CLSTN1: variants seen among roughly 807,000 people sequenced by gnomAD.
CLSTN1 encodes calsyntenin-1.
Under a neutral mutation model 108.3 loss-of-function variants are expected in CLSTN1, and 28 were observed. That is an observed-to-expected ratio of 0.26 (90% CI 0.19 to 0.35). The LOEUF (loss-of-function observed/expected upper bound fraction) is 0.35. Among genes scored for constraint, CLSTN1 ranks in the 10% least tolerant of loss-of-function variants. The pLI is 1.00. For synonymous variants in CLSTN1, 524 were observed against 534.9 expected (o/e 0.98, Z 0.28); for missense variants, 1,157 against 1,302.6 (o/e 0.89, Z 1.72).
In CLSTN1 at chr1:9,734,126, C is replaced by T. The variant is rs772012908; in HGVS notation, c.2127G>A (p.Val709=). 2.5e-6 allele frequency: 4 copies of T among 1,614,112 alleles called. No individual in the cohort carries two copies. Among genetic ancestry groups the T allele is most frequent in the Non-Finnish European group, 3.4e-6 (4 of 1,180,000 alleles). ...CCAGGTCGTGCACGATCTCCTCGGA[C>T]ACCAGTGATTCTTGAACTGCAAAAG... The part of the protein sequence containing the change: ...AEDPTVQESL[V]SEEIVHDLDT... The change falls in exon 15 of 19, where the codon GTG becomes GTA. Residue 709 remains valine, a synonymous_variant. Coordinates refer to ENST00000377298, the MANE Select transcript of CLSTN1 (RefSeq NM_001009566.3). The surrounding 1 kb of genome is among the most constrained non-coding windows in gnomAD (Gnocchi z 4.8).
In CLSTN1 at chr1:9,762,184, G is replaced by A. The variant is rs184372537; in HGVS notation, c.215-5674C>T. On this transcript the variant is annotated intron_variant, in intron 2 of 18. Coordinates refer to ENST00000377298, the MANE Select transcript of CLSTN1 (RefSeq NM_001009566.3). ...GGCTGTAAAGAAGAGAAAATGGGCCGGGTGTGGTGGCCCACACCTGTAATC... is the reference window on the plus strand; with the variant it reads ...GGCTGTAAAGAAGAGAAAATGGGCCAGGTGTGGTGGCCCACACCTGTAATC... Among the ~76,000 whole-genome samples the A allele has an allele frequency of 2.6e-4, 40 of 152,284 alleles. 2 individuals are homozygous for A. In the East Asian group the frequency reaches 5.0e-3, roughly 19 times the overall value.
At chr1:9,732,047 G>GA (rs78478290) in intron 16 of CLSTN1, 151 bp from the exon 17 acceptor site, 567,828 of 581,382 alleles carry the variant, frequency 0.98, 277,146 homozygotes, top group African/African-American at 0.99. Context: ...GAAAAGGACA[G>GA]AAAAAAAAAT....
intron 1 of CLSTN1, among the ~76,000 whole-genome samples, chr1:9,774,179 T>C (rs972282038): frequency 5.3e-5 from 8 of 152,050 alleles, no homozygotes; most frequent in Admixed American, 3.3e-4. Flanking sequence ...CAAATAATAA[T>C]GTAAAGCAAA....
intron 3 of CLSTN1, 85 bp from the exon 4 acceptor site, chr1:9,755,394 A>C: frequency 6.2e-6 from 7 of 1,128,468 alleles, no homozygotes; most frequent in African/African-American, 1.5e-5. Context: ...TCCACCCCCA[A>C]AGAAAATAAA....
At position 9,823,624 on chromosome 1, in the gene CLSTN1, GCCCAGC is replaced by G. The variant is rs1191824533; in HGVS notation, c.91+13_91+18del. ...AATCCCGCACCGACCCAGCGGCCCG[GCCCAGC>G]CCCGGGGCTTACCTCGCGCGGCCCA... On this transcript the variant is annotated intron_variant, in intron 1 of 18. Coordinates refer to ENST00000377298, the MANE Select transcript of CLSTN1 (RefSeq NM_001009566.3). This position sits in a 1 kb window ranked among gnomAD's most constrained non-coding sequence, Gnocchi z 6.3. The G allele has an allele frequency of 8.5e-6, 10 of 1,178,686 alleles. No homozygotes were observed. The highest frequency in any genetic ancestry group is 4.8e-5 in the African/African-American group (3 of 62,330). The allele number at this position is 1,178,686 out of a possible 1,614,324, so 73.0% of individuals were successfully genotyped here. A position where few individuals can be genotyped will look rare whatever the true frequency, so the allele number is the denominator to read the frequency against.
At chr1:9,756,571 C>G (rs1651816319) in intron 2 of CLSTN1, 61 bp from the exon 3 acceptor site, 2 of 1,452,168 alleles carry the variant, frequency 1.4e-6, no homozygotes, top group Admixed American at 3.8e-5. Context: ...ATGGAATACA[C>G]TAAGGAAAAA....
Position 9,751,671 on chromosome 1 carries a change from G to T in CLSTN1, c.451C>A (p.His151Asn). The T allele has an allele frequency of 6.2e-7, 1 of 1,614,074 alleles. No homozygotes were observed. Among genetic ancestry groups the T allele is most frequent in the South Asian group, 1.1e-5 (1 of 91,070 alleles). Residue 151 changes from histidine to asparagine, a missense_variant, in exon 5 of 19, where the codon CAT (histidine) becomes AAT (asparagine). Transcript: ENST00000377298. ...NVKKSHKATV[H>N]IQVNDVNEYA... is the part of the protein sequence containing the mutation. ...TCATTCACGTCGTTCACCTGAATAT[G>T]AACAGTTGCTCTGGACAAAGGGAGG...
chr1:9,801,332 T>C (rs553874050), intron 1 of CLSTN1, among the ~76,000 whole-genome samples: 1 of 152,318 alleles, frequency 6.6e-6, no homozygotes, highest in East Asian at 1.9e-4. Context: ...CCCTGGAAGA[T>C]ACAATCTGCC....
chr1:9,730,243 C>G lies in CLSTN1; in HGVS notation c.*265G>C, dbSNP rs1650276661. The G allele has an allele frequency of 3.6e-6, 2 of 553,904 alleles. No individual in the cohort carries two copies. Among genetic ancestry groups the G allele is most frequent in the South Asian group, 4.2e-5 (2 of 47,268 alleles). 34.3% of individuals were successfully genotyped at this position (553,904 alleles called of 1,614,324 possible). ...GAGACTCCAGACACAAACGCGGGGC[C>G]TGAGGCGCTGGGAGGCCCCTGTGCG... On this transcript the variant is annotated 3_prime_UTR_variant, in exon 19 of 19. Transcript: ENST00000377298. The surrounding 1 kb of genome is among the most constrained non-coding windows in gnomAD (Gnocchi z 5.6).
At position 9,823,273 on chromosome 1, in the gene CLSTN1, C is replaced by G. The variant is rs1655259878; in HGVS notation, c.91+370G>C. On this transcript the variant is annotated intron_variant, in intron 1 of 18. Transcript: ENST00000377298. The surrounding 1 kb of genome is among the most constrained non-coding windows in gnomAD (Gnocchi z 6.3). ...AGCCTGCGTGCGCCGCTGAGCAGGG[C>G]GGACTGACCCTTCGGCCCGTCTGCA... is the stretch of plus-strand genomic sequence containing the variant. 6.6e-6 allele frequency among the ~76,000 whole-genome samples: 1 copy of G among 152,304 alleles called. No individual in the cohort carries two copies. The highest frequency in any genetic ancestry group is 2.4e-5 in the African/African-American group (1 of 41,582).
intron 1 of CLSTN1, among the ~76,000 whole-genome samples, chr1:9,779,738 G>C (rs1445888781): frequency 2.0e-5 from 3 of 151,922 alleles, no homozygotes; most frequent in Non-Finnish European, 4.4e-5. Flanking sequence ...AGGTATCTAT[G>C]AAAATAAACC....
At chr1:9,780,428 G>A (rs968332451) in intron 1 of CLSTN1, among the ~76,000 whole-genome samples, 7 of 152,256 alleles carry the variant, frequency 4.6e-5, no homozygotes, top group Non-Finnish European at 8.8e-5. Context: ...AACGTAAAAT[G>A]TGTGTTTCTG....
intron 1 of CLSTN1, among the ~76,000 whole-genome samples, chr1:9,773,827 A>G (rs906383390): frequency 1.3e-5 from 2 of 152,058 alleles, no homozygotes; most frequent in African/African-American, 4.8e-5. Context: ...TCAACCTCCC[A>G]GGTTCAGGTG....
chr1:9,750,055 C>T, intron 5 of CLSTN1, 142 bp from the exon 6 acceptor site: 2 of 665,114 alleles, frequency 3.0e-6, no homozygotes, highest in Middle Eastern at 3.2e-4. Flanking sequence ...GGATGCTTAA[C>T]CCTCAACCTG....
chr1:9,823,957 A>G lies in CLSTN1; in HGVS notation c.-224T>C, dbSNP rs974243016. On this transcript the variant is annotated 5_prime_UTR_variant, in exon 1 of 19. Transcript: ENST00000377298. The surrounding 1 kb of genome is among the most constrained non-coding windows in gnomAD (Gnocchi z 6.3). ...GCGTCTTGCTGAAGGCAGCGGCAGC[A>G]ACTAAGATGGCGGCGGCGCTCTCTC... 23 of 159,698 alleles carry G rather than the reference A, an allele frequency of 1.4e-4. No homozygotes were observed. The highest frequency in any genetic ancestry group is 9.1e-4 in the Admixed American group (14 of 15,420). 9.9% of individuals were successfully genotyped at this position (159,698 alleles called of 1,614,324 possible). A position where few individuals can be genotyped will look rare whatever the true frequency, so the allele number is the denominator to read the frequency against.
chr1:9,790,825 T>C (rs185939142), intron 1 of CLSTN1, among the ~76,000 whole-genome samples: 38 of 151,050 alleles, frequency 2.5e-4, no homozygotes, highest in Admixed American at 4.0e-4. Context: ...AATGTGCTTT[T>C]AAAAATTAGG....
At chr1:9,749,708 C>A (rs1262867820) in intron 6 of CLSTN1, 56 bp downstream of exon 6, 2 of 1,610,748 alleles carry the variant, frequency 1.2e-6, no homozygotes, top group East Asian at 4.5e-5. Flanking sequence ...TAGGTTGCTG[C>A]CGCATACATC....
intron 16 of CLSTN1, 37 bp downstream of exon 16, chr1:9,733,364 T>C (rs1650507961): frequency 6.2e-7 from 1 of 1,611,664 alleles, no homozygotes; most frequent in Middle Eastern, 1.7e-4. Flanking sequence ...CACTCACTGC[T>C]GCTATTGGCC....
intron 10 of CLSTN1, among the ~76,000 whole-genome samples, chr1:9,740,578 C>T (rs958644893): frequency 4.6e-5 from 7 of 152,324 alleles, no homozygotes; most frequent in Admixed American, 2.6e-4. Flanking sequence ...ATCATATCCC[C>T]TCTCAGCAGA....
Sources: allele counts gnomAD v4.1 joint callset (sites outside exome capture counted in the v4.1 genomes callset), GRCh38; gene constraint gnomAD v4.1.1; non-coding constraint Gnocchi (gnomAD v3.1); transcripts MANE v1.5; gene names NCBI Gene and HGNC (gene_info 2026-07-23, HGNC 2026-07-21).